Variants in TRIP12 observed in about 807,000 individuals in gnomAD.
TRIP12 encodes the protein thyroid hormone receptor interactor 12, also known as E3 ubiquitin-protein ligase TRIP12.
TRIP12 carries 25 observed loss-of-function variants against 244.2 expected under a neutral mutation model. The ratio of observed to expected loss-of-function variants is 0.10; its 90% CI spans 0.07 to 0.14. TRIP12 has a LOEUF of 0.14. Among genes scored for constraint, TRIP12 ranks in the 10% least tolerant of loss-of-function variants. The pLI, the probability that TRIP12 is intolerant of heterozygous loss-of-function variation, is 1.00. For missense variants in TRIP12, 1,677 were observed against 2,486.4 expected (o/e 0.67, Z 6.92); for synonymous variants, 905 against 873.1 (o/e 1.04, Z -0.64).
At chr2:229,903,018 C>CTTTTTTTTTTTTTT (rs57794819) in intron 1 of TRIP12, among the ~76,000 whole-genome samples, 4 of 104,890 alleles carry the variant, frequency 3.8e-5, no homozygotes, top group African/African-American at 6.3e-5. Flanking sequence ...TTCTTTTTTT[C>CTTTTTTTTTTTTTT]TTTTTTTTTT....
chr2:229,835,020 A>T (rs1402285296), intron 6 of TRIP12, among the ~76,000 whole-genome samples: 2 of 152,240 alleles, frequency 1.3e-5, no homozygotes, highest in Non-Finnish European at 2.9e-5. Flanking sequence ...ATACTAATTT[A>T]GGTATTTTCT....
chr2:229,831,887 G>GTT (rs35424089), intron 6 of TRIP12, among the ~76,000 whole-genome samples: 25,181 of 136,654 alleles, frequency 0.18, 2,470 homozygotes, highest in East Asian at 0.27. Context: ...TGTTTTTTGG[G>GTT]TTTTTTTTTT....
chr2:229,864,014 G>C (rs2060931910), intron 2 of TRIP12, among the ~76,000 whole-genome samples: 1 of 113,282 alleles, frequency 8.8e-6, no homozygotes, highest in Non-Finnish European at 1.9e-5. Flanking sequence ...AAGAGAGAGA[G>C]AGAGAGAGAG....
rs144127631 is a variant in TRIP12, at chr2:229,843,933, A to C, written c.1028-3006T>G. On this transcript the variant is annotated intron_variant, in intron 4 of 41. Coordinates refer to ENST00000675903, the MANE Select transcript of TRIP12 (RefSeq NM_001348323.3). Reference sequence around the variant, plus strand: ...GGAGAAGAAAGGGAGGAAAATAAAGAAAAAAAAGAACATGTATTCCTAATT... The same window carrying C: ...GGAGAAGAAAGGGAGGAAAATAAAGCAAAAAAAGAACATGTATTCCTAATT... 2.9e-3 allele frequency among the ~76,000 whole-genome samples: 445 copies of C among 151,982 alleles called. 2 individuals carry two copies. The highest frequency in any genetic ancestry group is 0.01 in the African/African-American group (425 of 41,416).
At chr2:229,806,104 C>G (rs1470254467) in intron 17 of TRIP12, 1 of 381,964 alleles carries the variant, frequency 2.6e-6, no homozygotes. Context: ...CAAGCCTTAT[C>G]AGGGACCCTT....
At chr2:229,850,984 T>TG (rs2058576212) in intron 4 of TRIP12, among the ~76,000 whole-genome samples, 2 of 152,330 alleles carry the variant, frequency 1.3e-5, no homozygotes, top group Non-Finnish European at 2.9e-5. Flanking sequence ...CAGCCCACCA[T>TG]GGCTGAGCCT....
chr2:229,865,176 G>A lies in TRIP12; in HGVS notation c.99-4645C>T, dbSNP rs1421949151. Among the ~76,000 whole-genome samples the A allele has an allele frequency of 2.0e-5, 3 of 151,960 alleles. No homozygotes were observed. In the East Asian group the frequency reaches 5.8e-4, roughly 29 times the overall value. On this transcript the variant is annotated intron_variant, in intron 2 of 41. Transcript: ENST00000675903. Reference sequence around the variant, plus strand: ...AAAATACAAAAATTAGCAGGGTGTAGTGGTACACACCTGTATTCCTAGCTA... The same window carrying A: ...AAAATACAAAAATTAGCAGGGTGTAATGGTACACACCTGTATTCCTAGCTA...
intron 4 of TRIP12, among the ~76,000 whole-genome samples, chr2:229,853,683 C>A (rs992409100): frequency 1.2e-4 from 10 of 81,618 alleles, no homozygotes; most frequent in Admixed American, 5.5e-4. Context: ...AAATAAAATA[C>A]ATACATACAT....
intron 1 of TRIP12, among the ~76,000 whole-genome samples, chr2:229,905,124 A>C (rs2072327155): frequency 6.6e-6 from 1 of 152,174 alleles, no homozygotes; most frequent in African/African-American, 2.4e-5. Context: ...AAAATACAAA[A>C]TTAGCTGAGC....
At chr2:229,777,180 A>T in intron 37 of TRIP12, 135 bp downstream of exon 37, 2 of 966,734 alleles carry the variant, frequency 2.1e-6, no homozygotes, top group Non-Finnish European at 3.0e-6. Flanking sequence ...TGTCTTAGTT[A>T]GTACAATAAA....
chr2:229,831,392 A>T (rs1003946818), intron 6 of TRIP12, among the ~76,000 whole-genome samples: 1 of 152,192 alleles, frequency 6.6e-6, no homozygotes, highest in African/African-American at 2.4e-5. Flanking sequence ...AGCATGAAGG[A>T]GGTTGGGCAT....
Position 229,796,653 on chromosome 2 carries a change from T to C in TRIP12, c.3754A>G (p.Lys1252Glu), listed in dbSNP as rs772093827. 2.5e-6 allele frequency: 4 copies of C among 1,612,414 alleles called. No individual in the cohort carries two copies. The South Asian group carries it at 4.4e-5, about 18-fold the overall frequency. Residue 1252 changes from lysine to glutamate, a missense_variant, in exon 25 of 42, where the codon AAG (lysine) becomes GAG (glutamate). Lys to Glu is a moderately conservative substitution (Grantham distance 56). Transcript: ENST00000675903. The part of the protein sequence containing the change: ...LLLYLTSKSE[K>E]DAVSREIRLK... ...CTGATCTCTCTGCTCACAGCATCCT[T>C]TTCACTTTTAGATGTCAAATAAAGC...
intron 1 of TRIP12, among the ~76,000 whole-genome samples, chr2:229,911,702 CATATT>C (rs1445196721): frequency 1.3e-5 from 2 of 152,104 alleles, no homozygotes; most frequent in African/African-American, 4.8e-5. Flanking sequence ...TAAATACATA[CATATT>C]ATGTGTCAAA....
At chr2:229,859,985 G>C (rs2060200827) in intron 3 of TRIP12, among the ~76,000 whole-genome samples, 1 of 152,190 alleles carries the variant, frequency 6.6e-6, no homozygotes, top group African/African-American at 2.4e-5. Flanking sequence ...ATGAAGGTTA[G>C]AGATTTTTAT....
At chr2:229,779,741 G>A (rs769313174) in intron 34 of TRIP12, among the ~76,000 whole-genome samples, 3 of 152,138 alleles carry the variant, frequency 2.0e-5, no homozygotes, top group Non-Finnish European at 4.4e-5. Flanking sequence ...TTCTGATCTG[G>A]CAGGTACAGC....
At chr2:229,783,884 G>A (rs890128922) in intron 34 of TRIP12, among the ~76,000 whole-genome samples, 1 of 151,772 alleles carries the variant, frequency 6.6e-6, no homozygotes, top group African/African-American at 2.4e-5. Context: ...GCTGAGGTGG[G>A]TGGATCACCT....
chr2:229,848,551 A>G (rs917895614), intron 4 of TRIP12, among the ~76,000 whole-genome samples: 5 of 152,178 alleles, frequency 3.3e-5, no homozygotes, highest in Admixed American at 6.5e-5. Flanking sequence ...AGAACGAAAA[A>G]GGAAAGCAAT....
intron 4 of TRIP12, among the ~76,000 whole-genome samples, chr2:229,858,524 A>G (rs997942657): frequency 3.3e-5 from 5 of 152,244 alleles, no homozygotes; most frequent in African/African-American, 7.2e-5. Context: ...GAGGACCAAT[A>G]AAGACACAGA....
At chr2:229,860,800 A>G (rs1313899756) in intron 2 of TRIP12, among the ~76,000 whole-genome samples, 1 of 152,084 alleles carries the variant, frequency 6.6e-6, no homozygotes, top group Non-Finnish European at 1.5e-5. Context: ...AAGGTTGCTT[A>G]AGCAGTAACA....
Sources: allele counts gnomAD v4.1 joint callset (sites outside exome capture counted in the v4.1 genomes callset), GRCh38; gene constraint gnomAD v4.1.1; transcripts MANE v1.5; gene names NCBI Gene and HGNC (gene_info 2026-07-23, HGNC 2026-07-21).